Variants in GNAQ observed in about 807,000 individuals in gnomAD.
GNAQ encodes guanine nucleotide-binding protein G(q) subunit alpha.
Under a neutral mutation model 43.9 loss-of-function variants are expected in GNAQ, and 8 were observed. That is an observed-to-expected ratio of 0.18 (90% CI 0.11 to 0.33). The LOEUF is 0.33. Among genes scored for constraint, GNAQ ranks in the 10% least tolerant of loss-of-function variants. GNAQ has a pLI of 1.00. For synonymous variants in GNAQ, 155 were observed against 170.7 expected (o/e 0.91, Z 0.71); for missense variants, 158 against 450.8 (o/e 0.35, Z 5.88).
chr9:77,955,636 A>G (rs79185520), intron 1 of GNAQ, among the ~76,000 whole-genome samples: 2,831 of 152,354 alleles, frequency 0.019, 88 homozygotes, highest in African/African-American at 0.063. Flanking sequence ...TTTGACTAGT[A>G]TAAATATGAA....
At chr9:77,875,117 A>T (rs1676567631) in intron 2 of GNAQ, among the ~76,000 whole-genome samples, 2 of 152,256 alleles carry the variant, frequency 1.3e-5, no homozygotes, top group Admixed American at 6.5e-5. Flanking sequence ...TGCAAAGGAG[A>T]ATGTAAGAGA....
intron 2 of GNAQ, among the ~76,000 whole-genome samples, chr9:77,902,078 A>G (rs192730935): frequency 2.6e-4 from 40 of 152,328 alleles, no homozygotes; most frequent in Non-Finnish European, 5.1e-4. Context: ...CATTCACACC[A>G]TAACAAGTTA....
chr9:77,797,733 C>CA, intron 3 of GNAQ, 85 bp from the exon 4 acceptor site: 1 of 1,207,456 alleles, frequency 8.3e-7, no homozygotes. Context: ...AAAATGAGTC[C>CA]TAACAGAGAA....
In GNAQ at chr9:77,720,768, G is replaced by A. The variant is rs780389784; in HGVS notation, c.*555C>T. ...TATCCAAAGCAACACATTTAAAACC[G>A]TAAGTATTAATACATATAATCCTTC... is the stretch of plus-strand genomic sequence containing the variant. On this transcript the variant is annotated 3_prime_UTR_variant, in exon 7 of 7. Coordinates refer to ENST00000286548, the MANE Select transcript of GNAQ (RefSeq NM_002072.5). 3.0e-5 allele frequency: 7 copies of A among 233,210 alleles called. No individual in the cohort carries two copies. The highest frequency in any genetic ancestry group is 5.1e-5 in the Non-Finnish European group (6 of 117,876). 14.4% of individuals were successfully genotyped at this position (233,210 alleles called of 1,614,324 possible).
chr9:77,717,503 T>C lies in GNAQ; in HGVS notation c.*3820A>G, dbSNP rs999430118. 1 of 232,372 alleles carries C rather than the reference T, an allele frequency of 4.3e-6. No individual in the cohort carries two copies. Among genetic ancestry groups the C allele is most frequent in the African/African-American group, 2.2e-5 (1 of 45,322 alleles). 14.4% of individuals were successfully genotyped at this position (232,372 alleles called of 1,614,324 possible). A position where few individuals can be genotyped will look rare whatever the true frequency, so the allele number is the denominator to read the frequency against. On this transcript the variant is annotated 3_prime_UTR_variant, in exon 7 of 7. Coordinates refer to ENST00000286548, the MANE Select transcript of GNAQ (RefSeq NM_002072.5). ...CAGTATTTCATTATACAGCCCTTTC[T>C]TCCCATTATTTATTTTTTTGCAAAT...
At chr9:77,882,276 A>G (rs1243310411) in intron 2 of GNAQ, among the ~76,000 whole-genome samples, 1 of 152,202 alleles carries the variant, frequency 6.6e-6, no homozygotes, top group Non-Finnish European at 1.5e-5. Context: ...TTCCCCAAAC[A>G]TAGGAAAAGT....
chr9:77,822,475 T>C (rs1337113257), intron 2 of GNAQ, among the ~76,000 whole-genome samples: 1 of 152,158 alleles, frequency 6.6e-6, no homozygotes, highest in East Asian at 1.9e-4. Context: ...ATGTCTGTGC[T>C]CCTACAATCT....
In GNAQ at chr9:78,031,671, A is replaced by C. The variant is rs1824064575; in HGVS notation, c.-436T>G. On this transcript the variant is annotated 5_prime_UTR_variant, in exon 1 of 7. Transcript: ENST00000286548. ...AGCTCATTCACCGGGGTGTCCCCGC[A>C]GCGAGCGGCCGCCGACGGCTCCCCG... Among the ~76,000 whole-genome samples, 2 of 145,552 alleles carry C rather than the reference A, an allele frequency of 1.4e-5. No homozygotes were observed. Among genetic ancestry groups the C allele is most frequent in the Non-Finnish European group, 3.0e-5 (2 of 65,836 alleles).
intron 1 of GNAQ, among the ~76,000 whole-genome samples, chr9:77,979,508 A>C (rs893938380): frequency 1.3e-5 from 2 of 152,148 alleles, no homozygotes; most frequent in South Asian, 2.1e-4. Flanking sequence ...GCTGGAGTTC[A>C]TCCCCTTCTA....
intron 1 of GNAQ, among the ~76,000 whole-genome samples, chr9:77,969,462 C>T (rs962456456): frequency 6.6e-6 from 1 of 152,100 alleles, no homozygotes; most frequent in Admixed American, 6.6e-5. Context: ...TTTAACATTT[C>T]CTGACATGGA....
chr9:77,800,168 T>C (rs1826719461), intron 3 of GNAQ, among the ~76,000 whole-genome samples: 2 of 151,962 alleles, frequency 1.3e-5, no homozygotes, highest in Admixed American at 1.3e-4. Flanking sequence ...AGTGTGGCGA[T>C]TCCTCAGGGA....
At chr9:77,740,200 A>C (rs1356901531) in intron 5 of GNAQ, among the ~76,000 whole-genome samples, 1 of 152,200 alleles carries the variant, frequency 6.6e-6, no homozygotes, top group Non-Finnish European at 1.5e-5. Context: ...TCAGTGGATA[A>C]GAATTTGGTC....
intron 2 of GNAQ, among the ~76,000 whole-genome samples, chr9:77,832,680 C>G (rs1209407993): frequency 6.6e-6 from 1 of 152,226 alleles, no homozygotes; most frequent in East Asian, 1.9e-4. Context: ...TACCAGGGAT[C>G]TATGCGAATC....
chr9:77,937,119 C>T (rs1163127440), intron 1 of GNAQ, among the ~76,000 whole-genome samples: 1 of 152,056 alleles, frequency 6.6e-6, no homozygotes, highest in African/African-American at 2.4e-5. Context: ...GTTGATATCA[C>T]ATATATACCC....
At chr9:77,941,000 TC>T (rs1392160948) in intron 1 of GNAQ, among the ~76,000 whole-genome samples, 1 of 151,446 alleles carries the variant, frequency 6.6e-6, no homozygotes, top group African/African-American at 2.4e-5. Context: ...TTTTTAAATC[TC>T]CCAATAAAGA....
intron 2 of GNAQ, among the ~76,000 whole-genome samples, chr9:77,851,423 C>A (rs1239635861): frequency 6.6e-6 from 1 of 152,292 alleles, no homozygotes; most frequent in African/African-American, 2.4e-5. Context: ...AGTATTTCTG[C>A]ATGAAGAGCC....
At chr9:78,010,377 A>C (rs1423878077) in intron 1 of GNAQ, among the ~76,000 whole-genome samples, 1 of 152,192 alleles carries the variant, frequency 6.6e-6, no homozygotes, top group African/African-American at 2.4e-5. Context: ...CAGCTCAATG[A>C]AAGATTTCTA....
chr9:77,758,450 G>A (rs1307499622), intron 5 of GNAQ, among the ~76,000 whole-genome samples: 1 of 152,156 alleles, frequency 6.6e-6, no homozygotes, highest in Non-Finnish European at 1.5e-5. Context: ...TGATATAGAT[G>A]ACATACTTGT....
chr9:78,018,325 TA>T (rs1396072155), intron 1 of GNAQ, among the ~76,000 whole-genome samples: 2 of 152,152 alleles, frequency 1.3e-5, no homozygotes, highest in Non-Finnish European at 2.9e-5. Flanking sequence ...CACATCTATG[TA>T]AAAAACATAA....
Sources: allele counts gnomAD v4.1 joint callset (sites outside exome capture counted in the v4.1 genomes callset), GRCh38; gene constraint gnomAD v4.1.1; transcripts MANE v1.5; gene names NCBI Gene and HGNC (gene_info 2026-07-23, HGNC 2026-07-21).